Variants in MSI2 observed in about 807,000 individuals in gnomAD.
MSI2 encodes musashi RNA binding protein 2.
MSI2 carries 17 observed loss-of-function variants against 45.6 expected under a neutral mutation model. The observed-to-expected ratio is 0.37, with a 90% CI of 0.26 to 0.56. The LOEUF (loss-of-function observed/expected upper bound fraction) is 0.56. MSI2 is among the 20% of genes least tolerant of loss of function. MSI2 has a pLI of 0.77. For missense variants in MSI2, 293 were observed against 444.2 expected, an observed-to-expected ratio of 0.66 and a Z score of 3.06; for synonymous variants, 156 against 158.2, an observed-to-expected ratio of 0.99 and a Z score of 0.11.
chr17:57,435,640 A>G lies in MSI2; in HGVS notation c.405+34169A>G, dbSNP rs373365551. The stretch of plus-strand genomic sequence containing the variant: ...CTCGTGCACTTAAAGTCAATACAGC[A>G]TGCTCACCACTTAATTAGAAAATCG... On this transcript the variant is annotated intron_variant, in intron 6 of 13. Coordinates refer to ENST00000284073, the MANE Select transcript of MSI2 (RefSeq NM_138962.4). Among the ~76,000 whole-genome samples, 11 of 152,306 alleles carry G rather than the reference A, an allele frequency of 7.2e-5. No homozygotes were observed. In the East Asian group the frequency reaches 2.1e-3, roughly 29 times the overall value.
intron 7 of MSI2, among the ~76,000 whole-genome samples, chr17:57,582,166 C>A (rs868031894): frequency 3.9e-5 from 6 of 152,186 alleles, no homozygotes; most frequent in Admixed American, 2.6e-4. Context: ...TCCCACCCTA[C>A]CTCCAGACTT....
intron 7 of MSI2, among the ~76,000 whole-genome samples, chr17:57,569,093 T>G (rs1598408778): frequency 1.4e-5 from 2 of 147,510 alleles, no homozygotes; most frequent in African/African-American, 2.5e-5. Context: ...GGTGGGGAGG[T>G]GAATGGGGTG....
intron 10 of MSI2, among the ~76,000 whole-genome samples, chr17:57,639,902 T>C (rs1910122979): frequency 6.6e-6 from 1 of 152,222 alleles, no homozygotes; most frequent in African/African-American, 2.4e-5. Context: ...CTCTCCATCC[T>C]TCCTTTAGGT....
chr17:57,675,121 A>G lies in MSI2; in HGVS notation c.940A>G (p.Ile314Val), dbSNP rs1483631927. ...PQPGSGFGHG[I>V]AGPLIATAFT... ...GCCGGGCTCGGGCTTCGGCCACGGC[A>G]TAGCTGTAAGTACCTGCCTTCCCCT... Residue 314 changes from isoleucine (I) to valine (V), a missense_variant, in exon 12 of 14, where the codon ATA (isoleucine) becomes GTA (valine). By Grantham distance (29) the Ile-to-Val change is conservative. Coordinates refer to ENST00000284073, the MANE Select transcript of MSI2 (RefSeq NM_138962.4). The G allele has an allele frequency of 3.1e-6, 5 of 1,612,678 alleles. No homozygotes were observed. In the Admixed American group the frequency reaches 6.7e-5, roughly 22 times the overall value.
chr17:57,262,350 A>G lies in MSI2; in HGVS notation c.312+158A>G, dbSNP rs1907388890. 9 of 681,326 alleles carry G rather than the reference A, an allele frequency of 1.3e-5. No individual in the cohort carries two copies. In the East Asian group the frequency reaches 1.7e-4, roughly 13 times the overall value. 42.2% of individuals were successfully genotyped at this position (681,326 alleles called of 1,614,324 possible). A position where few individuals can be genotyped will look rare whatever the true frequency, so the allele number is the denominator to read the frequency against. On this transcript the variant is annotated intron_variant, in intron 5 of 13. Transcript: ENST00000284073. ...GGGCAAGTAGTCCTGTGAGATAACC[A>G]TGCGTCTCTAAGTTAGCCATCCCAA...
intron 5 of MSI2, among the ~76,000 whole-genome samples, chr17:57,285,655 G>A (rs1290738217): frequency 6.6e-6 from 1 of 152,204 alleles, no homozygotes; most frequent in Admixed American, 6.5e-5. Flanking sequence ...TGTGTTCTTA[G>A]TAGGTGTTTT....
chr17:57,645,981 C>T (rs1345409847), intron 10 of MSI2, among the ~76,000 whole-genome samples: 2 of 152,140 alleles, frequency 1.3e-5, no homozygotes, highest in South Asian at 2.1e-4. Flanking sequence ...GGTGGAGGAT[C>T]GTGGGACTAG....
the MSI2 span, among the ~76,000 whole-genome samples, chr17:57,694,067 T>C: frequency 6.6e-6 from 1 of 152,256 alleles, no homozygotes; most frequent in East Asian, 1.9e-4. Context: ...ATTTACATAT[T>C]GTCTATGGCT....
intron 7 of MSI2, among the ~76,000 whole-genome samples, chr17:57,547,672 T>A (rs1245251441): frequency 6.6e-6 from 1 of 150,682 alleles, no homozygotes; most frequent in Non-Finnish European, 1.5e-5. Flanking sequence ...AAGAAGAAAA[T>A]CAGTTGTTCT....
chr17:57,267,144 A>T (rs968827916), intron 5 of MSI2: 4 of 152,240 alleles, frequency 2.6e-5, no homozygotes, highest in African/African-American at 9.7e-5. Flanking sequence ...TGCAGCTGTC[A>T]TCTCGGCAGC....
At chr17:57,624,949 G>A (rs1005984311) in intron 9 of MSI2, among the ~76,000 whole-genome samples, 1 of 152,194 alleles carries the variant, frequency 6.6e-6, no homozygotes, top group Non-Finnish European at 1.5e-5. Context: ...CACAGTTCTG[G>A]AGGCTGGGAA....
intron 9 of MSI2, among the ~76,000 whole-genome samples, chr17:57,620,401 G>A (rs1053392156): frequency 1.6e-4 from 24 of 152,138 alleles, no homozygotes; most frequent in African/African-American, 5.1e-4. Flanking sequence ...TAATTAAACC[G>A]CATAATGCTT....
At chr17:57,685,586 A>T (rs1451915508), downstream of MSI2, 1 of 152,220 alleles carries the variant, frequency 6.6e-6, no homozygotes, top group Non-Finnish European at 1.5e-5. Flanking sequence ...AAAAAGCTGC[A>T]ACACTAACAA....
intron 11 of MSI2, among the ~76,000 whole-genome samples, chr17:57,654,914 GGT>G (rs1008506582): frequency 9.7e-6 from 1 of 103,618 alleles, no homozygotes; most frequent in African/African-American, 3.9e-5. Context: ...CCAACGTTTG[GGT>G]TTTTTTTTTT....
intron 7 of MSI2, among the ~76,000 whole-genome samples, chr17:57,530,110 C>A (rs2144064779): frequency 6.6e-6 from 1 of 152,268 alleles, no homozygotes; most frequent in East Asian, 1.9e-4. Flanking sequence ...TCTTTAGGAG[C>A]AGACTGTCAA....
chr17:57,308,656 G>T (rs1912119070), intron 5 of MSI2, among the ~76,000 whole-genome samples: 1 of 152,114 alleles, frequency 6.6e-6, no homozygotes, highest in Non-Finnish European at 1.5e-5. Context: ...TGAGCCCTTG[G>T]TTCCTTAGCA....
chr17:57,639,134 A>G (rs1005043173), intron 10 of MSI2, among the ~76,000 whole-genome samples: 2 of 152,064 alleles, frequency 1.3e-5, no homozygotes, highest in Non-Finnish European at 2.9e-5. Context: ...TCACCTTCCA[A>G]AGGCCCCACC....
In MSI2 at chr17:57,588,309, G is replaced by A. The variant is rs749019071; in HGVS notation, c.455-8559G>A. On this transcript the variant is annotated intron_variant, in intron 7 of 13. Coordinates refer to ENST00000284073, the MANE Select transcript of MSI2 (RefSeq NM_138962.4). ...GGTGCTGTGTACAGCTCAGGTCAGC[G>A]TGCCTGCCCCTTTTCTTTCTTCTTA... 9.2e-5 allele frequency among the ~76,000 whole-genome samples: 14 copies of A among 152,136 alleles called. 1 individual carries two copies. The highest frequency in any genetic ancestry group is 4.1e-4 in the South Asian group (2 of 4,822).
At chr17:57,362,419 A>G (rs1916871219) in intron 5 of MSI2, among the ~76,000 whole-genome samples, 2 of 152,196 alleles carry the variant, frequency 1.3e-5, no homozygotes, top group African/African-American at 4.8e-5. Flanking sequence ...CAGAAAAGGG[A>G]GAGATGGCGA....
Sources: gnomAD v4.1 joint callset for allele counts (sites outside exome capture counted in the v4.1 genomes callset) on GRCh38, gnomAD v4.1.1 for gene constraint, MANE v1.5 for transcripts, NCBI Gene and HGNC (gene_info 2026-07-23, HGNC 2026-07-21) for gene names.